The following RPS4X variants were observed in gnomAD, a reference collection of about 807,000 sequenced individuals.
RPS4X encodes the protein ribosomal protein S4 X-linked.
For missense variants in RPS4X, 90 were observed against 219.1 expected, an observed-to-expected ratio of 0.41 and a Z score of 3.72; for synonymous variants, 76 against 76.8, an observed-to-expected ratio of 0.99 and a Z score of 0.06.
rs2043188204 is a variant in RPS4X, at chrX:72,273,343, A to G, written c.579T>C (p.Gly193=). The G allele has an allele frequency of 6.6e-6, 8 of 1,208,970 alleles. No homozygotes were observed. In the South Asian group the frequency reaches 1.2e-4, roughly 19 times the overall value. Residue 193 remains glycine, a synonymous_variant, in exon 6 of 7, where the codon GGT becomes GGC. Coordinates refer to ENST00000316084, the MANE Select transcript of RPS4X (RefSeq NM_001007.5). ...VTGGANLGRI[G]VITNRERHPG... ...GGTGCCTCTCTCTGTTGGTGATCAC[A>G]CCAATTCTTCCTAGGTTAGCACCTC...
At chrX:72,274,705 T>C in intron 4 of RPS4X, 1 of 235,870 alleles carries the variant, frequency 4.2e-6, no homozygotes, top group Non-Finnish European at 8.0e-6. Flanking sequence ...AATAAACAAG[T>C]TCCCAGAAAT....
In RPS4X at chrX:72,272,485, C is replaced by A. The variant is rs1210834157; in HGVS notation, c.*186G>T. 3 of 375,534 alleles carry A rather than the reference C, an allele frequency of 8.0e-6. No homozygotes were observed. Among genetic ancestry groups the A allele is most frequent in the Non-Finnish European group, 1.4e-5 (3 of 217,302 alleles). The allele number at this position is 375,534 out of a possible 1,213,427, so 30.9% of individuals were successfully genotyped here. On this transcript the variant is annotated 3_prime_UTR_variant, in exon 7 of 7. Coordinates refer to ENST00000316084, the MANE Select transcript of RPS4X (RefSeq NM_001007.5). ...GGTATCTTCTACTTCCCACCACTAACTAAGCCCAGCCAATAACAGACTGCC... is the reference window on the plus strand; with the variant it reads ...GGTATCTTCTACTTCCCACCACTAAATAAGCCCAGCCAATAACAGACTGCC...
intron 1 of RPS4X, 50 bp downstream of exon 1, chrX:72,277,143 G>A (rs370547115): frequency 1.7e-6 from 2 of 1,203,945 alleles, no homozygotes; most frequent in East Asian, 6.0e-5. Flanking sequence ...CCCGGCCGGG[G>A]GAGGATGGAG....
In RPS4X at chrX:72,276,167, G is replaced by A; in HGVS notation, c.71C>T (p.Thr24Ile). 1.7e-6 allele frequency: 2 copies of A among 1,206,082 alleles called. No individual in the cohort carries two copies. Among genetic ancestry groups the A allele is most frequent in the Non-Finnish European group, 2.2e-6 (2 of 890,902 alleles). ...APKHWMLDKL[T>I]GVFAPRPSTG... The stretch of plus-strand genomic sequence containing the variant: ...ATATAAGATACTTACAAACACACCG[G>A]TCAATTTATCCAGCATCCAATGCTT... The change falls in exon 2 of 7, where the codon ACC (threonine) becomes ATC (isoleucine). Residue 24 changes from threonine (T) to isoleucine (I), a missense_variant. Transcript: ENST00000316084.
Position 72,272,259 on chromosome X carries a change from C to G in RPS4X, c.*412G>C, listed in dbSNP as rs771061648. 2.6e-5 allele frequency: 3 copies of G among 116,860 alleles called. No individual in the cohort carries two copies. Among genetic ancestry groups the G allele is most frequent in the East Asian group, 5.3e-4 (2 of 3,767 alleles). The allele number at this position is 116,860 out of a possible 1,213,427, so 9.6% of individuals were successfully genotyped here. ...ACAGGAGTGGGAAAAACAGATGAGC[C>G]AGGCTTGTGGATGGGCTAGTGCAAT... On this transcript the variant is annotated 3_prime_UTR_variant, in exon 7 of 7. Transcript: ENST00000316084.
At position 72,272,538 on chromosome X, in the gene RPS4X, T is replaced by A. The variant is rs762312428; in HGVS notation, c.*133A>T. On this transcript the variant is annotated 3_prime_UTR_variant, in exon 7 of 7. Transcript: ENST00000316084. ...AGCCTGCCTGAGAACTTAATCACTGTTCATGTTATACAGTAAAATAGCAGG... is the reference window on the plus strand; with the variant it reads ...AGCCTGCCTGAGAACTTAATCACTGATCATGTTATACAGTAAAATAGCAGG... The A allele has an allele frequency of 2.0e-5, 9 of 444,782 alleles. No homozygotes were observed. The South Asian group carries it at 3.4e-4, about 17-fold the overall frequency. 36.7% of individuals were successfully genotyped at this position (444,782 alleles called of 1,213,427 possible).
intron 3 of RPS4X, 101 bp downstream of exon 3, chrX:72,275,443 G>T: frequency 1.5e-6 from 1 of 665,059 alleles, no homozygotes; most frequent in South Asian, 3.0e-5. Context: ...TTGTTTCTGA[G>T]ACTTGACAGA....
At chrX:72,273,634 A>G (rs1455508996) in intron 5 of RPS4X, among the ~76,000 whole-genome samples, 167 bp downstream of exon 5, 2 of 111,677 alleles carry the variant, frequency 1.8e-5, no homozygotes, top group African/African-American at 6.5e-5. Context: ...ATAAAAAACA[A>G]ACAATTTAAA....
At position 72,275,530 on chromosome X, in the gene RPS4X, T is replaced by A. The variant is rs374846448; in HGVS notation, c.262+14A>T. 1.0e-5 allele frequency: 11 copies of A among 1,090,009 alleles called. No individual in the cohort carries two copies. In the African/African-American group the frequency reaches 3.7e-4, roughly 37 times the overall value. The allele number at this position is 1,090,009 out of a possible 1,213,427, so 89.8% of individuals were successfully genotyped here. On this transcript the variant is annotated intron_variant, in intron 3 of 6. Transcript: ENST00000316084. ...CCATCAATATGCGTCTCCAGAGTATTTAAAACTTCTTACCCATGAATCCAG... is the reference window on the plus strand; with the variant it reads ...CCATCAATATGCGTCTCCAGAGTATATAAAACTTCTTACCCATGAATCCAG...
In RPS4X at chrX:72,272,586, A is replaced by C. The variant is rs2043185154; in HGVS notation, c.*85T>G. 3.4e-6 allele frequency: 2 copies of C among 596,034 alleles called. No homozygotes were observed. Among genetic ancestry groups the C allele is most frequent in the African/African-American group, 2.3e-5 (1 of 42,925 alleles). 49.1% of individuals were successfully genotyped at this position (596,034 alleles called of 1,213,427 possible). A position where few individuals can be genotyped will look rare whatever the true frequency, so the allele number is the denominator to read the frequency against. On this transcript the variant is annotated 3_prime_UTR_variant, in exon 7 of 7. Transcript: ENST00000316084. ...AGGAAACTGAATTAAAAAAAAAAAC[A>C]ACCCACAAAACCAAAATGCTATTAA...
chrX:72,276,405 G>A (rs930382914), intron 1 of RPS4X, among the ~76,000 whole-genome samples, 171 bp from the exon 2 acceptor site: 19 of 112,545 alleles, frequency 1.7e-4, no homozygotes, highest in Middle Eastern at 4.6e-3. Context: ...AACACCGTGA[G>A]ATCCATAAGC....
At position 72,273,833 on chromosome X, in the gene RPS4X, C is replaced by T; in HGVS notation, c.500G>A (p.Gly167Asp). 8.3e-7 allele frequency: 1 copy of T among 1,208,926 alleles called. No individual in the cohort carries two copies. The highest frequency in any genetic ancestry group is 1.1e-6 in the Non-Finnish European group (1 of 893,512). ...NDTIQIDLET[G>D]KITDFIKFDT... ...GAACTTGATGAAATCAGTAATCTTG[C>T]CAGTCTCCAAATCAATCTGAATGGT... The change falls in exon 5 of 7, where the codon GGC becomes GAC. Residue 167 changes from glycine (G) to aspartate (D), a missense_variant. Gly to Asp is a moderately conservative substitution (Grantham distance 94, BLOSUM62 -1). Transcript: ENST00000316084.
intron 2 of RPS4X, 134 bp downstream of exon 2, chrX:72,276,023 C>G: frequency 1.9e-6 from 1 of 526,616 alleles, no homozygotes. Context: ...AAGTGGAGGA[C>G]AGCTAGATAG....
chrX:72,276,869 C>T (rs1027875292), intron 1 of RPS4X, among the ~76,000 whole-genome samples: 2 of 112,753 alleles, frequency 1.8e-5, no homozygotes, highest in African/African-American at 6.4e-5. Flanking sequence ...ACCCCCAGCG[C>T]CCACCAACCT....
chrX:72,275,299 C>G, intron 3 of RPS4X, 149 bp from the exon 4 acceptor site: 2 of 470,473 alleles, frequency 4.3e-6, no homozygotes, highest in African/African-American at 4.8e-5. Context: ...AAGATCACGG[C>G]CAGATCTTCA....
Position 72,273,955 on chromosome X carries a change from C to T in RPS4X, c.378G>A (p.Val126=). 8.3e-7 allele frequency: 1 copy of T among 1,210,662 alleles called. No individual in the cohort carries two copies. Among genetic ancestry groups the T allele is most frequent in the East Asian group, 3.0e-5 (1 of 33,839 alleles). ...CTTTTGTGCCCACAAAGATCTTTCT[C>T]ACTTTGCACAACTTGTACTAGAAAA... is the stretch of plus-strand genomic sequence containing the variant. ...PEEAKYKLCK[V]RKIFVGTKGI... The change falls in exon 5 of 7, where the codon GTG becomes GTA. Residue 126 remains valine (V), a synonymous_variant. Transcript: ENST00000316084.
At chrX:72,274,301 C>A in intron 4 of RPS4X, 1 of 342,307 alleles carries the variant, frequency 2.9e-6, no homozygotes, top group Non-Finnish European at 5.6e-6. Context: ...ACAGCAATTA[C>A]ATTACCAGTT....
chrX:72,274,184 CAGTTTCCCAGGCTCTTTAAGCCTTATGG>C, intron 4 of RPS4X: 2 of 422,428 alleles, frequency 4.7e-6, no homozygotes. Context: ...AATGCCACTC[CAGTTTCCCAGGCTCTTTAAGCCTTATGG>C]GGCCCTGGGA....
chrX:72,275,945 C>T (rs962313835), intron 2 of RPS4X, among the ~76,000 whole-genome samples: 1 of 111,557 alleles, frequency 9.0e-6, no homozygotes, highest in Non-Finnish European at 1.9e-5. Flanking sequence ...AACATGAATC[C>T]TGAGTCCATG....
Sources: gnomAD v4.1 joint callset for allele counts (sites outside exome capture counted in the v4.1 genomes callset) on GRCh38, gnomAD v4.1.1 for gene constraint, MANE v1.5 for transcripts, NCBI Gene and HGNC (gene_info 2026-07-23, HGNC 2026-07-21) for gene names.